RNF24: variants seen among roughly 807,000 people sequenced by gnomAD.
RNF24 encodes the protein ring finger protein 24.
In RNF24, 14 loss-of-function variants were observed where a neutral mutation model predicts 20.0. The ratio of observed to expected loss-of-function variants is 0.70; its 90% CI spans 0.46 to 1.10. RNF24 has a LOEUF of 1.10. Among genes scored for constraint, RNF24 ranks in the 50% least tolerant of loss-of-function variants. RNF24 has a pLI of 0.00. For synonymous variants in RNF24, 45 were observed against 61.1 expected, an observed-to-expected ratio of 0.74 and a Z score of 1.23; for missense variants, 124 against 177.6, an observed-to-expected ratio of 0.70 and a Z score of 1.71.
At chr20:3,940,854 G>T (rs2090946686) in intron 4 of RNF24, among the ~76,000 whole-genome samples, 1 of 152,060 alleles carries the variant, frequency 6.6e-6, no homozygotes, top group East Asian at 1.9e-4. Flanking sequence ...TCAGATGAAG[G>T]CAAACTAACA....
intron 1 of RNF24, among the ~76,000 whole-genome samples, chr20:3,981,718 C>T (rs1341276187): frequency 1.3e-5 from 2 of 152,094 alleles, no homozygotes; most frequent in Non-Finnish European, 2.9e-5. Context: ...AATTAGCATA[C>T]CACTAATTCA....
At chr20:3,978,234 C>T (rs575417756) in intron 1 of RNF24, among the ~76,000 whole-genome samples, 2 of 152,032 alleles carry the variant, frequency 1.3e-5, no homozygotes, top group Non-Finnish European at 2.9e-5. Flanking sequence ...GACGGGGTTT[C>T]GCCCTGTTGG....
chr20:3,964,931 G>A (rs6107377), intron 1 of RNF24, among the ~76,000 whole-genome samples: 1,543 of 152,140 alleles, frequency 0.01, 16 homozygotes, highest in African/African-American at 0.035. Context: ...AAACTCAGCA[G>A]TCTCAGTCCA....
At chr20:3,942,483 T>C (rs2090968641) in intron 4 of RNF24, among the ~76,000 whole-genome samples, 1 of 151,386 alleles carries the variant, frequency 6.6e-6, no homozygotes, top group African/African-American at 2.4e-5. Context: ...CAAATATATA[T>C]ATTTTTTGAG....
chr20:4,010,993 G>A (rs945652768), intron 1 of RNF24, among the ~76,000 whole-genome samples: 25 of 152,144 alleles, frequency 1.6e-4, no homozygotes, highest in African/African-American at 6.0e-4. Flanking sequence ...GATGGGGGGA[G>A]TATGCACACA....
chr20:3,941,193 T>A (rs2090951197), intron 4 of RNF24, among the ~76,000 whole-genome samples: 2 of 152,164 alleles, frequency 1.3e-5, no homozygotes, highest in African/African-American at 4.8e-5. Context: ...CTGTAAGTTT[T>A]TGTATTTTTT....
chr20:3,954,158 T>C lies in RNF24; in HGVS notation c.144-5879A>G, dbSNP rs76802102. Among the ~76,000 whole-genome samples, 6 of 152,326 alleles carry C rather than the reference T, an allele frequency of 3.9e-5. No homozygotes were observed. The East Asian group carries it at 1.2e-3, about 29-fold the overall frequency. Reference sequence around the variant, plus strand: ...AGTGGTAAGTAGTGTACTCACAATGTTGTCCATCTACCAGCTATCTCTAGT... The same window carrying C: ...AGTGGTAAGTAGTGTACTCACAATGCTGTCCATCTACCAGCTATCTCTAGT... On this transcript the variant is annotated intron_variant, in intron 2 of 5. Transcript: ENST00000358395.
chr20:3,974,172 C>A (rs1978652106), intron 1 of RNF24, among the ~76,000 whole-genome samples: 1 of 151,302 alleles, frequency 6.6e-6, no homozygotes. Flanking sequence ...AACATCAGCA[C>A]CCAGAAATTA....
chr20:3,950,145 C>T (rs926961234), intron 2 of RNF24, among the ~76,000 whole-genome samples: 2 of 126,558 alleles, frequency 1.6e-5, no homozygotes, highest in Non-Finnish European at 3.4e-5. Context: ...GTCTATTTGC[C>T]TATCCTTGTA....
At chr20:4,014,774 CACAT>C (rs756498374) in intron 1 of RNF24, among the ~76,000 whole-genome samples, 3 of 145,592 alleles carry the variant, frequency 2.1e-5, no homozygotes, top group Non-Finnish European at 3.0e-5. Flanking sequence ...CACACACACA[CACAT>C]CATTAGGTCT....
intron 1 of RNF24, among the ~76,000 whole-genome samples, chr20:3,988,421 T>C (rs1980119826): frequency 6.6e-6 from 1 of 151,140 alleles, no homozygotes; most frequent in Non-Finnish European, 1.5e-5. Flanking sequence ...ACTTATTCAC[T>C]GGAATTAATA....
At position 4,013,657 on chromosome 20, in the gene RNF24, A is replaced by AT. The variant is rs924048713; in HGVS notation, c.-8+1779dup. 5.9e-4 allele frequency among the ~76,000 whole-genome samples: 89 copies of AT among 151,650 alleles called. 1 individual carries two copies. Among genetic ancestry groups the AT allele is most frequent in the Non-Finnish European group, 1.6e-4 (11 of 67,936 alleles). On this transcript the variant is annotated intron_variant, in intron 1 of 5. Coordinates refer to ENST00000358395, the MANE Select transcript of RNF24 (RefSeq NM_001134337.3). ...CCACCATGCCCGGCTAATTTTTTGTATTTTTTTAGTAGAGACAGGGTTTCA... is the reference window on the plus strand; with the variant it reads ...CCACCATGCCCGGCTAATTTTTTGTATTTTTTTTAGTAGAGACAGGGTTTCA...
intron 1 of RNF24, among the ~76,000 whole-genome samples, chr20:3,964,642 C>G (rs1432323032): frequency 6.6e-6 from 1 of 152,102 alleles, no homozygotes; most frequent in Non-Finnish European, 1.5e-5. Context: ...TCCACTTCAG[C>G]CTCCCAAATA....
At chr20:4,003,424 C>A (rs560184585) in intron 1 of RNF24, among the ~76,000 whole-genome samples, 1 of 152,148 alleles carries the variant, frequency 6.6e-6, no homozygotes, top group Non-Finnish European at 1.5e-5. Context: ...TTCAAATTAT[C>A]TTCCAAGCAA....
chr20:3,950,172 C>T (rs1039719200), intron 2 of RNF24, among the ~76,000 whole-genome samples: 6 of 149,340 alleles, frequency 4.0e-5, no homozygotes, highest in South Asian at 2.1e-4. Flanking sequence ...TGAATGTGTC[C>T]GCCTCAGCTC....
rs557432274 is a variant in RNF24 at position 3,997,057 on chromosome 20, TA to T, written c.-8+18379del. On this transcript the variant is annotated intron_variant, in intron 1 of 5. Transcript: ENST00000358395. ...AACACGGTGAAACCCCATTCTCTAC[TA>T]AAAAAAAAAATACAAAAATTAGCCA... is the stretch of plus-strand genomic sequence containing the variant. Among the ~76,000 whole-genome samples, 106 of 143,862 alleles carry T rather than the reference TA, an allele frequency of 7.4e-4. 1 individual carries two copies. Among genetic ancestry groups the T allele is most frequent in the Middle Eastern group, 3.5e-3 (1 of 282 alleles). The allele number at this position is 143,862 out of a possible 152,430, so 94.4% of individuals were successfully genotyped here.
At chr20:3,985,508 C>T (rs1242502189) in intron 1 of RNF24, among the ~76,000 whole-genome samples, 1 of 151,832 alleles carries the variant, frequency 6.6e-6, no homozygotes, top group Non-Finnish European at 1.5e-5. Flanking sequence ...TTTTCTGTTT[C>T]TTCTGCTACC....
chr20:3,982,626 C>T (rs1382929837), intron 1 of RNF24, among the ~76,000 whole-genome samples: 1 of 142,776 alleles, frequency 7.0e-6, no homozygotes, highest in African/African-American at 2.6e-5. Flanking sequence ...GTGGCTCACA[C>T]CTATAATCCC....
At chr20:3,970,326 C>A (rs545411027) in intron 1 of RNF24, among the ~76,000 whole-genome samples, 2 of 152,032 alleles carry the variant, frequency 1.3e-5, no homozygotes, top group African/African-American at 4.8e-5. Flanking sequence ...AGCATTACAA[C>A]CCACCGTTTC....
Sources: allele counts gnomAD v4.1 joint callset (sites outside exome capture counted in the v4.1 genomes callset), GRCh38; gene constraint gnomAD v4.1.1; transcripts MANE v1.5; gene names NCBI Gene and HGNC (gene_info 2026-07-23, HGNC 2026-07-21).